MYH1: variants seen among roughly 807,000 people sequenced by gnomAD.
The protein encoded by MYH1 is myosin heavy chain 1, also known as myosin-1.
In MYH1, 214 loss-of-function variants were observed where a neutral mutation model predicts 225.6. That is an observed-to-expected ratio of 0.95 (90% CI 0.85 to 1.06). The LOEUF (loss-of-function observed/expected upper bound fraction) is 1.06, where lower values mean the gene tolerates loss of function less well. MYH1 is among the 50% of genes least tolerant of loss of function. The pLI, the probability that MYH1 is intolerant of heterozygous loss-of-function variation, is 0.00. For synonymous variants in MYH1, 774 were observed against 842.3 expected, an observed-to-expected ratio of 0.92 and a Z score of 1.40; for missense variants, 2,098 against 2,344.2, an observed-to-expected ratio of 0.89 and a Z score of 2.17.
Position 10,512,126 on chromosome 17 carries a change from G to T in MYH1, c.1214C>A (p.Pro405His). The change falls in exon 13 of 40, where the codon CCT (proline) becomes CAT (histidine). Residue 405 changes from proline (P) to histidine (H), a missense_variant. By Grantham distance (77) the Pro-to-His change is moderately conservative. Coordinates refer to ENST00000226207, the MANE Select transcript of MYH1 (RefSeq NM_005963.4). Reference protein sequence around the residue: ...SADLLKALCYPRVKVGNEYVT... With the variant: ...SADLLKALCYHRVKVGNEYVT... ...ATACTCATTGCCGACCTTGACCCTA[G>T]GGTAGCAGAGGGCTTTGAGCAGATC... 3 of 1,614,188 alleles carry T rather than the reference G, an allele frequency of 1.9e-6. No homozygotes were observed. Among genetic ancestry groups the T allele is most frequent in the South Asian group, 2.2e-5 (2 of 91,082 alleles).
chr17:10,507,405 T>A (rs951327912), intron 17 of MYH1, among the ~76,000 whole-genome samples: 1 of 152,208 alleles, frequency 6.6e-6, no homozygotes, highest in Non-Finnish European at 1.5e-5. Context: ...ATCTGGTTTC[T>A]TATTTCCTTC....
In MYH1 at chr17:10,501,683, T is replaced by G. The variant is rs866572427; in HGVS notation, c.3259A>C (p.Lys1087Gln). Residue 1087 changes from lysine to glutamine, a missense_variant and splice_region_variant, in exon 26 of 40, where the codon AAA becomes CAA. Lys to Gln is a moderately conservative substitution (Grantham distance 53). Coordinates refer to ENST00000226207, the MANE Select transcript of MYH1 (RefSeq NM_005963.4). ...KQQLDEKLKK[K>Q]EFEMSGLQSK... The stretch of plus-strand genomic sequence containing the variant: ...TGCAGACCGCTCATTTCAAACTCTT[T>G]CCTATTAGAAAAGCCCTTTATGTCA... 8 of 1,614,228 alleles carry G rather than the reference T, an allele frequency of 5.0e-6. No homozygotes were observed. The African/African-American group carries it at 9.3e-5, about 19-fold the overall frequency.
rs138742085 is a variant in MYH1, at chr17:10,501,181, T to C, written c.3667A>G (p.Lys1223Glu). ...TCCATCTTCATCTCACTCTTCTCCTTCTCCAGCTTCTGCTTCACTCGCTGC... is the reference window on the plus strand; with the variant it reads ...TCCATCTTCATCTCACTCTTCTCCTCCTCCAGCTTCTGCTTCACTCGCTGC... Reference protein sequence around the residue: ...NLQRVKQKLEKEKSEMKMEID... With the variant: ...NLQRVKQKLEEEKSEMKMEID... Residue 1223 changes from lysine to glutamate, a missense_variant, in exon 27 of 40, where the codon AAG (lysine) becomes GAG (glutamate). Physicochemically the swap from Lys to Glu is moderately conservative, Grantham distance 56. Coordinates refer to ENST00000226207, the MANE Select transcript of MYH1 (RefSeq NM_005963.4). The C allele has an allele frequency of 2.1e-4, 334 of 1,614,134 alleles. 2 individuals carry two copies. The African/African-American group carries it at 3.9e-3, about 19-fold the overall frequency.
At chr17:10,504,725 T>C in intron 22 of MYH1, 85 bp downstream of exon 22, 17 of 1,449,524 alleles carry the variant, frequency 1.2e-5, no homozygotes, top group Non-Finnish European at 1.5e-5. Flanking sequence ...CTGTCCCTTA[T>C]TTGGTAGAAT....
intron 14 of MYH1, among the ~76,000 whole-genome samples, chr17:10,511,635 G>T (rs2073170633): frequency 1.3e-5 from 2 of 152,184 alleles, no homozygotes; most frequent in Admixed American, 1.3e-4. Flanking sequence ...AATTGGCAGA[G>T]CAGGAGTTTG....
In MYH1 at chr17:10,500,646, G is replaced by A. The variant is rs746118240; in HGVS notation, c.3845C>T (p.Ala1282Val). 21 of 1,613,508 alleles carry A rather than the reference G, an allele frequency of 1.3e-5. No individual in the cohort carries two copies. The highest frequency in any genetic ancestry group is 1.6e-5 in the Non-Finnish European group (19 of 1,180,016). ...RLINDLTAQR[A>V]RLQTESGEYS... ...CCCACCTGATTCTGTTTGCAGGCGC[G>A]CTCTCTGTGCTGTGAGGTCATTGAT... The change falls in exon 28 of 40, where the codon GCG becomes GTG. Residue 1282 changes from alanine to valine, a missense_variant. Transcript: ENST00000226207.
intron 13 of MYH1, 40 bp downstream of exon 13, chr17:10,512,034 G>A: frequency 6.2e-7 from 1 of 1,614,064 alleles, no homozygotes; most frequent in Non-Finnish European, 8.5e-7. Context: ...ATGTCATGAA[G>A]GCCTGGGATG....
At position 10,502,806 on chromosome 17, in the gene MYH1, G is replaced by T. The variant is rs1322853824; in HGVS notation, c.3043C>A (p.Gln1015Lys). Residue 1015 changes from glutamine to lysine, a missense_variant, in exon 24 of 40, where the codon CAG becomes AAG. Physicochemically the swap from Gln to Lys is moderately conservative, Grantham distance 53. Transcript: ENST00000226207. Reference sequence around the variant, plus strand: ...GTGTTGACTTTGTCCTCCTCTGCCTGCAGGTCATCCAGGGTCTGCTGGTGG... The same window carrying T: ...GTGTTGACTTTGTCCTCCTCTGCCTTCAGGTCATCCAGGGTCTGCTGGTGG... ...EAHQQTLDDL[Q>K]AEEDKVNTLT... is the part of the protein sequence containing the mutation. The T allele has an allele frequency of 6.2e-7, 1 of 1,614,052 alleles. No individual in the cohort carries two copies.
chr17:10,500,757 A>T lies in MYH1; in HGVS notation c.3739-5T>A. ...GCACATCTTTTCAAGGTTTCCCTGCATTCAAAAAGTGGTAGAAGGCATCTC... is the reference window on the plus strand; with the variant it reads ...GCACATCTTTTCAAGGTTTCCCTGCTTTCAAAAAGTGGTAGAAGGCATCTC... On this transcript the variant is annotated splice_region_variant and splice_polypyrimidine_tract_variant and intron_variant, in intron 27 of 39. Transcript: ENST00000226207. 1 of 1,614,134 alleles carries T rather than the reference A, an allele frequency of 6.2e-7. No individual in the cohort carries two copies. Among genetic ancestry groups the T allele is most frequent in the Non-Finnish European group, 8.5e-7 (1 of 1,180,014 alleles).
At position 10,512,469 on chromosome 17, in the gene MYH1, A is replaced by G. The variant is rs551137821; in HGVS notation, c.1086T>C (p.Tyr362=). The G allele has an allele frequency of 1.9e-6, 3 of 1,613,948 alleles. No individual in the cohort carries two copies. The highest frequency in any genetic ancestry group is 1.7e-5 in the Admixed American group (1 of 59,980). ...GCTTTTGCTTGAATTTCATGTTCCC[A>G]TAATGCATCACAGCCCCTGTGAGCT... ...IYKLTGAVMH[Y]GNMKFKQKQR... Residue 362 remains tyrosine (Y), a synonymous_variant, in exon 12 of 40, where the codon TAT becomes TAC. Transcript: ENST00000226207.
intron 32 of MYH1, 42 bp from the exon 33 acceptor site, chr17:10,497,235 A>G: frequency 1.3e-6 from 2 of 1,594,858 alleles, no homozygotes; most frequent in Non-Finnish European, 1.7e-6. Context: ...TTATAGTTGG[A>G]AAAGATTCTT....
At chr17:10,515,227 T>C (rs1158044135) in intron 5 of MYH1, among the ~76,000 whole-genome samples, 1 of 152,236 alleles carries the variant, frequency 6.6e-6, no homozygotes, top group Admixed American at 6.5e-5. Flanking sequence ...AGATTTTGTT[T>C]CTAAATGTGT....
At chr17:10,513,107 G>A (rs1047273746) in intron 9 of MYH1, 142 bp from the exon 10 acceptor site, 1 of 641,478 alleles carries the variant, frequency 1.6e-6, no homozygotes, top group Non-Finnish European at 2.8e-6. Context: ...CACATATTAT[G>A]TCTCTACAAA....
intron 4 of MYH1, 37 bp downstream of exon 4, chr17:10,516,162 T>A: frequency 6.2e-7 from 1 of 1,613,746 alleles, no homozygotes; most frequent in Non-Finnish European, 8.5e-7. Context: ...AACTATTAAC[T>A]ACTCTCATGA....
At position 10,511,859 on chromosome 17, in the gene MYH1, C is replaced by T; in HGVS notation, c.1396G>A (p.Ala466Thr). The T allele has an allele frequency of 6.2e-7, 1 of 1,614,200 alleles. No homozygotes were observed. Residue 466 changes from alanine to threonine, a missense_variant, in exon 14 of 40, where the codon GCT (alanine) becomes ACT (threonine). By Grantham distance (58) the Ala-to-Thr change is moderately conservative (BLOSUM62 0). Transcript: ENST00000226207. ...RQYFIGVLDI[A>T]GFEIFDFNSL... Reference sequence around the variant, plus strand: ...CTCACATCAAAGATCTCAAAGCCAGCAATGTCCAAGACCCCAATGAAGTAC... The same window carrying T: ...CTCACATCAAAGATCTCAAAGCCAGTAATGTCCAAGACCCCAATGAAGTAC...
Position 10,496,130 on chromosome 17 carries a change from A to T in MYH1, c.4989T>A (p.Asp1663Glu). ...TCAGGTCCTCCTGGCTCCGGAGAGC[A>T]TCATCCAGGTGGAGCTGGGTATCCT... is the stretch of plus-strand genomic sequence containing the variant. ...ILKDTQLHLD[D>E]ALRSQEDLKE... is the part of the protein sequence containing the mutation. Residue 1663 changes from aspartate (D) to glutamate (E), a missense_variant, in exon 35 of 40, where the codon GAT becomes GAA. Physicochemically the swap from Asp to Glu is conservative, Grantham distance 45. Coordinates refer to ENST00000226207, the MANE Select transcript of MYH1 (RefSeq NM_005963.4). 1 of 1,614,196 alleles carries T rather than the reference A, an allele frequency of 6.2e-7. No homozygotes were observed. The highest frequency in any genetic ancestry group is 8.5e-7 in the Non-Finnish European group (1 of 1,180,038).
At chr17:10,512,031 G>A (rs923620575) in intron 13 of MYH1, 43 bp from the exon 14 acceptor site, 1 of 1,613,992 alleles carries the variant, frequency 6.2e-7, no homozygotes, top group Non-Finnish European at 8.5e-7. Flanking sequence ...GACATGTCAT[G>A]AAGGCCTGGG....
At chr17:10,497,244 T>C (rs1327255740) in intron 32 of MYH1, 43 bp downstream of exon 32, 1 of 1,591,642 alleles carries the variant, frequency 6.3e-7, no homozygotes, top group Non-Finnish European at 8.5e-7. Flanking sequence ...GAAAAGATTC[T>C]TTCAAATCTT....
At position 10,495,949 on chromosome 17, in the gene MYH1, C is replaced by T. The variant is rs111353752; in HGVS notation, c.5169+1G>A. On this transcript the variant is annotated splice_donor_variant, in intron 35 of 39. Coordinates refer to ENST00000226207, the MANE Select transcript of MYH1 (RefSeq NM_005963.4). LOFTEE classifies it high-confidence loss of function. ...TGTTGCTATTCTATTATTACATGCA[C>T]CTGGGTGTGCAGGAGCTGAACACGC... is the stretch of plus-strand genomic sequence containing the variant. 6.8e-6 allele frequency: 11 copies of T among 1,614,008 alleles called. No individual in the cohort carries two copies. Among genetic ancestry groups the T allele is most frequent in the Non-Finnish European group, 9.3e-6 (11 of 1,179,978 alleles).
Sources: allele counts gnomAD v4.1 joint callset (sites outside exome capture counted in the v4.1 genomes callset), GRCh38; gene constraint gnomAD v4.1.1; transcripts MANE v1.5; gene names NCBI Gene and HGNC (gene_info 2026-07-23, HGNC 2026-07-21).